The following LUZP1 variants were observed in gnomAD, a reference collection of about 807,000 sequenced individuals.
LUZP1 encodes leucine zipper protein 1, also known as filamin mechanobinding actin cross-linking protein.
Under a neutral mutation model 71.3 loss-of-function variants are expected in LUZP1, and 25 were observed. That is an observed-to-expected ratio of 0.35 (90% CI 0.26 to 0.49). The LOEUF is 0.49. LUZP1 is among the 20% of genes least tolerant of loss of function. The probability of loss-of-function intolerance (pLI) is 0.99; values close to 1 mark genes in which losing one functional copy is unlikely to be tolerated. For synonymous variants in LUZP1, 481 were observed against 506.4 expected (o/e 0.95, Z 0.67); for missense variants, 1,142 against 1,300.8 (o/e 0.88, Z 1.88).
chr1:23,139,013 AAAAAAAATAT>A (rs1162771145), intron 2 of LUZP1, among the ~76,000 whole-genome samples: 1 of 96,740 alleles, frequency 1.0e-5, no homozygotes, highest in Admixed American at 1.3e-4. Context: ...AAAAAAAAAA[AAAAAAAATAT>A]ATATATATAT....
intron 2 of LUZP1, among the ~76,000 whole-genome samples, chr1:23,160,538 C>A (rs1179390596): frequency 6.6e-6 from 1 of 152,140 alleles, no homozygotes; most frequent in Non-Finnish European, 1.5e-5. Flanking sequence ...GTCTCTATAT[C>A]GCCGGAAGCA....
chr1:23,168,133 G>A (rs945905283), intron 2 of LUZP1, among the ~76,000 whole-genome samples: 3 of 146,292 alleles, frequency 2.1e-5, no homozygotes, highest in African/African-American at 7.4e-5. Context: ...GCCGACAGCT[G>A]CGGCGGCCGC....
At chr1:23,116,944 A>G (rs2124655075) in intron 2 of LUZP1, among the ~76,000 whole-genome samples, 1 of 152,326 alleles carries the variant, frequency 6.6e-6, no homozygotes, top group South Asian at 2.1e-4. Flanking sequence ...TTAAAATGGA[A>G]GATTAAAATG....
intron 2 of LUZP1, among the ~76,000 whole-genome samples, chr1:23,143,260 G>C (rs1644319172): frequency 6.6e-6 from 1 of 152,138 alleles, no homozygotes; most frequent in Non-Finnish European, 1.5e-5. Flanking sequence ...ACCTGCCTAA[G>C]CCTCCCAAAG....
intron 3 of LUZP1, among the ~76,000 whole-genome samples, chr1:23,102,767 C>T (rs1477931948): frequency 1.3e-5 from 2 of 152,092 alleles, no homozygotes; most frequent in African/African-American, 4.8e-5. Flanking sequence ...CAAGGCCAGT[C>T]TTGGCAATAC....
At chr1:23,104,576 A>C (rs1393389537) in intron 3 of LUZP1, among the ~76,000 whole-genome samples, 1 of 152,122 alleles carries the variant, frequency 6.6e-6, no homozygotes, top group Non-Finnish European at 1.5e-5. Context: ...AATTCTGTAG[A>C]TGCTTCTATC....
chr1:23,155,740 C>T (rs143526728), intron 2 of LUZP1, among the ~76,000 whole-genome samples: 53 of 152,132 alleles, frequency 3.5e-4, no homozygotes, highest in African/African-American at 1.1e-3. Flanking sequence ...CACTTGAACC[C>T]GAGAGCCAAG....
chr1:23,150,912 G>T (rs1644378370), intron 2 of LUZP1, among the ~76,000 whole-genome samples: 1 of 152,114 alleles, frequency 6.6e-6, no homozygotes, highest in Admixed American at 6.6e-5. Flanking sequence ...TTTGTTTTTC[G>T]AATTGGACAT....
chr1:23,147,666 T>G (rs1644354551), intron 2 of LUZP1, among the ~76,000 whole-genome samples: 1 of 138,498 alleles, frequency 7.2e-6, no homozygotes, highest in Non-Finnish European at 1.6e-5. Flanking sequence ...CATCCCAGAA[T>G]AGTTGTTGGC....
intron 3 of LUZP1, among the ~76,000 whole-genome samples, chr1:23,100,442 T>C (rs1026756554): frequency 1.3e-5 from 2 of 152,022 alleles, no homozygotes; most frequent in African/African-American, 4.8e-5. Context: ...ACCACAATTC[T>C]CTCCCCCTGA....
At chr1:23,171,101 T>C (rs866824818) in intron 1 of LUZP1, among the ~76,000 whole-genome samples, 1 of 141,312 alleles carries the variant, frequency 7.1e-6, no homozygotes, top group Non-Finnish European at 1.5e-5. Context: ...AAAAAAAAAA[T>C]ATATATATAT....
At chr1:23,115,873 A>C (rs1200726582) in intron 2 of LUZP1, among the ~76,000 whole-genome samples, 1 of 152,156 alleles carries the variant, frequency 6.6e-6, no homozygotes, top group Non-Finnish European at 1.5e-5. Context: ...AGTGGTCTAC[A>C]ATTGAGACTA....
intron 2 of LUZP1, among the ~76,000 whole-genome samples, chr1:23,120,670 G>A (rs1644123050): frequency 1.3e-5 from 2 of 152,012 alleles, no homozygotes; most frequent in Non-Finnish European, 1.5e-5. Flanking sequence ...AATACCTAAT[G>A]CTTATACATT....
intron 1 of LUZP1, among the ~76,000 whole-genome samples, chr1:23,174,977 T>A (rs956535676): frequency 3.3e-5 from 5 of 152,190 alleles, no homozygotes; most frequent in Non-Finnish European, 7.3e-5. Context: ...CATTTATAGA[T>A]CCTTTATTCT....
chr1:23,084,199 A>AAAAC (rs1159495969), exon 5 of LUZP1: 2 of 152,248 alleles, frequency 1.3e-5, no homozygotes, highest in Admixed American at 6.5e-5. Flanking sequence ...GGCTCTTAAA[A>AAAAC]AAACAGAAAT....
chr1:23,154,598 A>G (rs536583556), intron 2 of LUZP1, among the ~76,000 whole-genome samples: 2 of 151,686 alleles, frequency 1.3e-5, no homozygotes, highest in South Asian at 4.2e-4. Context: ...GCTGGAGTGC[A>G]GTGGCATGAT....
At chr1:23,109,494 A>ATCCCT (rs1183625686) in intron 2 of LUZP1, 1 of 152,272 alleles carries the variant, frequency 6.6e-6, no homozygotes, top group Non-Finnish European at 1.5e-5. Flanking sequence ...CAGGTTGAGC[A>ATCCCT]TCCCTGATCT....
intron 1 of LUZP1, among the ~76,000 whole-genome samples, chr1:23,172,484 C>T (rs1569726062): frequency 6.6e-6 from 1 of 151,690 alleles, no homozygotes; most frequent in East Asian, 1.9e-4. Context: ...CATAGTGAGA[C>T]CCCTGTCTTT....
chr1:23,102,619 C>CA (rs1162259721), intron 3 of LUZP1, among the ~76,000 whole-genome samples: 1 of 152,060 alleles, frequency 6.6e-6, no homozygotes, highest in Non-Finnish European at 1.5e-5. Flanking sequence ...ATATACTGTA[C>CA]AGAAGTGAAT....
Sources: allele counts gnomAD v4.1 joint callset (sites outside exome capture counted in the v4.1 genomes callset), GRCh38; gene constraint gnomAD v4.1.1; transcripts MANE v1.5; gene names NCBI Gene and HGNC (gene_info 2026-07-23, HGNC 2026-07-21).